The following WDR27 variants were observed in gnomAD, a reference collection of about 807,000 sequenced individuals.
WDR27 encodes WD repeat-containing protein 27.
In WDR27, 100 loss-of-function variants were observed where a neutral mutation model predicts 114.4. The observed-to-expected ratio is 0.87, with a 90% CI of 0.74 to 1.03. WDR27 has a LOEUF of 1.03. Among genes scored for constraint, WDR27 ranks in the 50% least tolerant of loss-of-function variants. The probability of loss-of-function intolerance (pLI) is 0.00; values close to 1 mark genes in which losing one functional copy is unlikely to be tolerated. For missense variants in WDR27, 1,129 were observed against 1,092.9 expected, an observed-to-expected ratio of 1.03 and a Z score of -0.47; for synonymous variants, 449 against 423.1, an observed-to-expected ratio of 1.06 and a Z score of -0.75.
In WDR27 at chr6:169,548,992, A is replaced by T. The variant is rs971573401; in HGVS notation, c.2645+23427T>A. 3.3e-5 allele frequency among the ~76,000 whole-genome samples: 5 copies of T among 152,084 alleles called. No homozygotes were observed. The East Asian group carries it at 7.8e-4, about 24-fold the overall frequency. On this transcript the variant is annotated intron_variant, in intron 25 of 25. Transcript: ENST00000448612. The stretch of plus-strand genomic sequence containing the variant: ...GAAGAAAACCTAGATGACCTTGGGT[A>T]TGGCAATGAATTTTTAGATACAACA...
Position 169,672,286 on chromosome 6 carries a change from G to T in WDR27, c.300C>A (p.Asn100Lys), listed in dbSNP as rs1355549660. 5 of 1,613,132 alleles carry T rather than the reference G, an allele frequency of 3.1e-6. No individual in the cohort carries two copies. Among genetic ancestry groups the T allele is most frequent in the Middle Eastern group, 1.7e-4 (1 of 6,058 alleles). ...SASLDYVIMW[N>K]LDECREKVLQ... ...GTACTTTCTCTCTACATTCATCCAG[G>T]TTCCACATTATAACATAATCCAGTG... Residue 100 changes from asparagine to lysine, a missense_variant, in exon 3 of 26, where the codon AAC becomes AAA. Coordinates refer to ENST00000448612, the MANE Select transcript of WDR27 (RefSeq NM_182552.5).
chr6:169,569,890 G>A (rs150729295), intron 25 of WDR27, among the ~76,000 whole-genome samples: 115 of 152,172 alleles, frequency 7.6e-4, no homozygotes, highest in African/African-American at 2.5e-3. Flanking sequence ...ATTGTTTAAC[G>A]ACCAAAGATT....
chr6:169,507,837 T>G lies in WDR27; in HGVS notation c.2646-50203A>C, dbSNP rs541312382. Among the ~76,000 whole-genome samples, 9 of 152,216 alleles carry G rather than the reference T, an allele frequency of 5.9e-5. No homozygotes were observed. The East Asian group carries it at 1.7e-3, about 29-fold the overall frequency. On this transcript the variant is annotated intron_variant, in intron 25 of 25. Transcript: ENST00000448612. The stretch of plus-strand genomic sequence containing the variant: ...TTTCTTGACACATGGTGAAGTGGAG[T>G]GGCTGTGATGGAGACCACATGTGGC...
chr6:169,429,502 T>C, the WDR27 span, among the ~76,000 whole-genome samples: 3,064 of 152,108 alleles, frequency 0.02, 64 homozygotes, highest in East Asian at 0.07. Flanking sequence ...TATTTCTGAT[T>C]GTCTGGAATC....
Position 169,672,384 on chromosome 6 carries a change from G to C in WDR27, c.202C>G (p.Arg68Gly), listed in dbSNP as rs770619881. ...KDPSHQLLIL[R>G]GHHQPITAMA... Reference sequence around the variant, plus strand: ...GCAGTAATTGGCTGATGGTGTCCTCGTAGGATTAGAAGCTGGGAAAATTAA... The same window carrying C: ...GCAGTAATTGGCTGATGGTGTCCTCCTAGGATTAGAAGCTGGGAAAATTAA... Residue 68 changes from arginine to glycine, a missense_variant, in exon 3 of 26, where the codon CGA becomes GGA. Physicochemically the swap from Arg to Gly is moderately radical, Grantham distance 125. Transcript: ENST00000448612. 1.1e-5 allele frequency: 17 copies of C among 1,603,594 alleles called. No homozygotes were observed. Among genetic ancestry groups the C allele is most frequent in the Non-Finnish European group, 1.4e-5 (17 of 1,174,812 alleles).
intron 13 of WDR27, among the ~76,000 whole-genome samples, chr6:169,655,837 A>G (rs1448800341): frequency 6.6e-6 from 1 of 152,210 alleles, no homozygotes; most frequent in Non-Finnish European, 1.5e-5. Flanking sequence ...CTCCTGCCTC[A>G]GCCTCCTGAG....
At chr6:169,455,100 T>A (rs73789952), downstream of WDR27, among the ~76,000 whole-genome samples, 4,650 of 152,318 alleles carry the variant, frequency 0.031, 215 homozygotes, top group African/African-American at 0.1. Context: ...CCCTGGCTGC[T>A]CTGTCCTGCG....
intron 25 of WDR27, among the ~76,000 whole-genome samples, chr6:169,473,997 C>T (rs745935197): frequency 3.3e-5 from 5 of 152,286 alleles, no homozygotes; most frequent in South Asian, 2.1e-4. Flanking sequence ...CTGTGTGTGG[C>T]GAATGGAAGT....
intron 1 of WDR27, among the ~76,000 whole-genome samples, chr6:169,691,716 A>G (rs1354994977): frequency 6.6e-6 from 1 of 152,246 alleles, no homozygotes; most frequent in African/African-American, 2.4e-5. Flanking sequence ...AGCATTTTAC[A>G]AATAATAGTA....
the WDR27 span, among the ~76,000 whole-genome samples, chr6:169,431,671 T>G: frequency 2.0e-5 from 3 of 152,214 alleles, no homozygotes; most frequent in Non-Finnish European, 4.4e-5. Context: ...TCAGTTTTTG[T>G]GCATTTGATA....
downstream of WDR27, among the ~76,000 whole-genome samples, chr6:169,452,820 C>T (rs1013021147): frequency 5.3e-5 from 8 of 152,264 alleles, no homozygotes; most frequent in African/African-American, 1.9e-4. Context: ...TTAATGCTTG[C>T]CTTGTTTAAT....
At chr6:169,671,028 C>CTCATGTATAGGTTCAGCTA (rs1175615629) in intron 3 of WDR27, 133 of 219,116 alleles carry the variant, frequency 6.1e-4, no homozygotes, top group African/African-American at 2.5e-3. Context: ...ACCCCATGTC[C>CTCATGTATAGGTTCAGCTA]ACCCTCATGT....
rs116720426 is a variant in WDR27, at chr6:169,505,358, G to A, written c.2646-47724C>T. 6.0e-3 allele frequency among the ~76,000 whole-genome samples: 913 copies of A among 152,180 alleles called. 9 individuals carry two copies. Among genetic ancestry groups the A allele is most frequent in the African/African-American group, 0.021 (853 of 41,514 alleles). On this transcript the variant is annotated intron_variant, in intron 25 of 25. Transcript: ENST00000448612. The stretch of plus-strand genomic sequence containing the variant: ...TTAAGCCATCAATCTTAACCTATGA[G>A]GGCAATAATAATAAAAGCTCATATT...
chr6:169,568,319 GA>G (rs895576844), intron 25 of WDR27, among the ~76,000 whole-genome samples: 1 of 151,590 alleles, frequency 6.6e-6, no homozygotes, highest in Non-Finnish European at 1.5e-5. Flanking sequence ...ACTTCTGAAG[GA>G]AAAAAAACAT....
intron 25 of WDR27, among the ~76,000 whole-genome samples, chr6:169,567,627 AAC>A (rs1472843560): frequency 5.7e-4 from 87 of 152,242 alleles, no homozygotes; most frequent in African/African-American, 1.9e-3. Flanking sequence ...CGTGCTGAGA[AAC>A]ACAGTGTGGC....
intron 22 of WDR27, among the ~76,000 whole-genome samples, chr6:169,606,678 G>A (rs1019830729): frequency 5.3e-5 from 8 of 152,052 alleles, no homozygotes; most frequent in Non-Finnish European, 8.8e-5. Context: ...ATTCCATGGT[G>A]TATATGTACC....
At chr6:169,479,386 A>G (rs1003952723) in intron 25 of WDR27, among the ~76,000 whole-genome samples, 3 of 152,198 alleles carry the variant, frequency 2.0e-5, no homozygotes, top group Non-Finnish European at 4.4e-5. Context: ...AAAAAACAGA[A>G]AACTGACTTT....
At chr6:169,628,071 A>G (rs115668086) in intron 21 of WDR27, among the ~76,000 whole-genome samples, 4,433 of 152,154 alleles carry the variant, frequency 0.029, 161 homozygotes, top group African/African-American at 0.087. Context: ...CCCCACTGCA[A>G]TGGTATTAAG....
At chr6:169,669,857 A>G (rs1778222351) in intron 4 of WDR27, 2 of 152,182 alleles carry the variant, frequency 1.3e-5, no homozygotes, top group African/African-American at 2.4e-5. Flanking sequence ...ATTACACATG[A>G]GGCCCATGAG....
Sources: gnomAD v4.1 joint callset for allele counts (sites outside exome capture counted in the v4.1 genomes callset) on GRCh38, gnomAD v4.1.1 for gene constraint, MANE v1.5 for transcripts, NCBI Gene and HGNC (gene_info 2026-07-23, HGNC 2026-07-21) for gene names.